TET1: variants seen among roughly 807,000 people sequenced by gnomAD.
TET1 encodes methylcytosine dioxygenase TET1.
TET1 carries 13 observed loss-of-function variants against 148.7 expected under a neutral mutation model. The observed-to-expected ratio is 0.09, with a 90% CI of 0.06 to 0.14. The LOEUF (loss-of-function observed/expected upper bound fraction) is 0.14, where lower values mean the gene tolerates loss of function less well. TET1 is among the 10% of genes least tolerant of loss of function. The probability of loss-of-function intolerance (pLI) is 1.00; values close to 1 mark genes in which losing one functional copy is unlikely to be tolerated. For synonymous variants in TET1, 907 were observed against 937.2 expected, an observed-to-expected ratio of 0.97 and a Z score of 0.59; for missense variants, 2,182 against 2,553.8, an observed-to-expected ratio of 0.85 and a Z score of 3.14.
chr10:68,617,025 TTTTTTTTTTTTTTTTTTTTG>T (rs2054302001), intron 3 of TET1, among the ~76,000 whole-genome samples: 1 of 49,130 alleles, frequency 2.0e-5, no homozygotes, highest in African/African-American at 6.6e-5. Context: ...TTTTTTTTTT[TTTTTTTTTTTTTTTTTTTTG>T]AGACGGAGTC....
intron 2 of TET1, among the ~76,000 whole-genome samples, chr10:68,581,616 C>G (rs1250065319): frequency 6.6e-6 from 1 of 152,154 alleles, no homozygotes; most frequent in African/African-American, 2.4e-5. Flanking sequence ...CCGTGGCAGG[C>G]AGATTGCTTG....
intron 3 of TET1, among the ~76,000 whole-genome samples, chr10:68,633,849 G>C (rs1321682900): frequency 6.6e-6 from 1 of 152,164 alleles, no homozygotes; most frequent in Non-Finnish European, 1.5e-5. Flanking sequence ...ATAGAGAAAT[G>C]AGGAGGGTTT....
intron 3 of TET1, among the ~76,000 whole-genome samples, chr10:68,624,658 T>TCTCTC (rs2054439423): frequency 1.0e-5 from 1 of 95,278 alleles, no homozygotes; most frequent in African/African-American, 3.9e-5. Context: ...CTTTCTTTCT[T>TCTCTC]TCTCTCTCTC....
chr10:68,639,458 TAC>T (rs1564984343), intron 3 of TET1, among the ~76,000 whole-genome samples: 2 of 140,222 alleles, frequency 1.4e-5, no homozygotes, highest in African/African-American at 2.8e-5. Context: ...CTACTACTAC[TAC>T]TACTACTATT....
intron 7 of TET1, among the ~76,000 whole-genome samples, chr10:68,670,473 G>T (rs939952972): frequency 6.6e-6 from 1 of 152,162 alleles, no homozygotes; most frequent in Non-Finnish European, 1.5e-5. Flanking sequence ...TAATTAAAAA[G>T]ATGAAATATA....
At chr10:68,577,703 G>A (rs1564950891) in intron 2 of TET1, among the ~76,000 whole-genome samples, 4 of 152,096 alleles carry the variant, frequency 2.6e-5, no homozygotes, top group Non-Finnish European at 5.9e-5. Context: ...CAGCTACTCT[G>A]GAGGCTAAGG....
intron 3 of TET1, among the ~76,000 whole-genome samples, chr10:68,606,620 C>T (rs1480934762): frequency 6.7e-6 from 1 of 150,020 alleles, no homozygotes; most frequent in Non-Finnish European, 1.5e-5. Flanking sequence ...AAAAAAAACA[C>T]ATGTCATTTT....
chr10:68,605,365 C>T (rs917186486), intron 3 of TET1, among the ~76,000 whole-genome samples: 21 of 152,172 alleles, frequency 1.4e-4, no homozygotes, highest in Non-Finnish European at 2.5e-4. Flanking sequence ...CCCACCTACT[C>T]GGGAGGCTGC....
At chr10:68,591,448 A>G (rs1028931634) in intron 2 of TET1, among the ~76,000 whole-genome samples, 2 of 152,228 alleles carry the variant, frequency 1.3e-5, no homozygotes, top group Non-Finnish European at 2.9e-5. Flanking sequence ...TTCCAACATC[A>G]GAAGCATCTG....
intron 6 of TET1, among the ~76,000 whole-genome samples, chr10:68,654,349 C>T (rs1054624770): frequency 6.6e-6 from 1 of 152,068 alleles, no homozygotes; most frequent in Non-Finnish European, 1.5e-5. Flanking sequence ...GGCGCAGTGG[C>T]TCACGCCTGT....
intron 1 of TET1, 87 bp from the exon 2 acceptor site, chr10:68,572,130 T>G (rs1161933311): frequency 7.9e-6 from 4 of 504,526 alleles, no homozygotes; most frequent in Non-Finnish European, 3.5e-6. Flanking sequence ...AAAAATAAAA[T>G]AAAACAATTA....
At chr10:68,643,227 A>G (rs1189119371) in intron 3 of TET1, among the ~76,000 whole-genome samples, 4 of 136,092 alleles carry the variant, frequency 2.9e-5, no homozygotes, top group Non-Finnish European at 6.1e-5. Context: ...GTACCACTGC[A>G]CTCCAGCCTG....
intron 3 of TET1, among the ~76,000 whole-genome samples, chr10:68,628,728 G>A (rs1373451919): frequency 6.6e-6 from 1 of 152,166 alleles, no homozygotes; most frequent in Non-Finnish European, 1.5e-5. Context: ...CGAATAACAA[G>A]GGCATTCTAG....
chr10:68,561,165 G>T (rs561300936), intron 1 of TET1, among the ~76,000 whole-genome samples: 1 of 152,300 alleles, frequency 6.6e-6, no homozygotes, highest in South Asian at 2.1e-4. Flanking sequence ...GGCGCCTCGG[G>T]GTGAGGAGAG....
At position 68,591,694 on chromosome 10, in the gene TET1, A is replaced by T. The variant is rs191971505; in HGVS notation, c.1915-9287A>T. 2.6e-3 allele frequency among the ~76,000 whole-genome samples: 394 copies of T among 152,004 alleles called. 6 individuals are homozygous for T. Among genetic ancestry groups the T allele is most frequent in the Admixed American group, 0.013 (191 of 15,256 alleles). On this transcript the variant is annotated intron_variant, in intron 2 of 11. Coordinates refer to ENST00000373644, the MANE Select transcript of TET1 (RefSeq NM_030625.3). ...GAGGTGGGTGGATCATGAGATCAGG[A>T]GATTGAGAACATCCTGGCTAACACG...
chr10:68,673,824 C>T (rs971494189), intron 8 of TET1, among the ~76,000 whole-genome samples: 1 of 151,736 alleles, frequency 6.6e-6, no homozygotes, highest in South Asian at 2.1e-4. Flanking sequence ...ACAATACTTA[C>T]CTTTCTTACA....
intron 3 of TET1, among the ~76,000 whole-genome samples, chr10:68,606,299 G>A (rs570574862): frequency 6.6e-5 from 10 of 152,240 alleles, no homozygotes; most frequent in African/African-American, 1.9e-4. Context: ...CCTGGAAGGC[G>A]GAGGTGGCAG....
At chr10:68,595,985 C>CAT (rs1239716472) in intron 2 of TET1, among the ~76,000 whole-genome samples, 7,680 of 53,952 alleles carry the variant, frequency 0.14, 731 homozygotes, top group Non-Finnish European at 0.17. Flanking sequence ...CACATATATA[C>CAT]ACACACACAC....
chr10:68,582,257 G>A (rs568313696), intron 2 of TET1, among the ~76,000 whole-genome samples: 6 of 152,014 alleles, frequency 3.9e-5, no homozygotes, highest in African/African-American at 7.2e-5. Context: ...GCACCACTAC[G>A]CCTGGCTAAT....
Sources: allele counts gnomAD v4.1 joint callset (sites outside exome capture counted in the v4.1 genomes callset), GRCh38; gene constraint gnomAD v4.1.1; transcripts MANE v1.5; gene names NCBI Gene and HGNC (gene_info 2026-07-23, HGNC 2026-07-21).